The following DST variants were observed in gnomAD, a reference collection of about 807,000 sequenced individuals.
The protein encoded by DST is bullous pemphigoid antigen.
In DST, 253 loss-of-function variants were observed where a neutral mutation model predicts 875.2. The observed-to-expected ratio is 0.29, with a 90% CI of 0.26 to 0.32. DST has a LOEUF of 0.32. Among genes scored for constraint, DST ranks in the 10% least tolerant of loss-of-function variants. The pLI is 1.00. For missense variants in DST, 8,287 were observed against 9,111.6 expected (o/e 0.91, Z 3.68); for synonymous variants, 3,124 against 3,197.1 (o/e 0.98, Z 0.77).
Position 56,679,896 on chromosome 6 carries a change from C to A in DST, c.1048-9089G>T, listed in dbSNP as rs570835842. ...GAGAAAATAGCTACATAAGTAAGAA[C>A]CCCCTTCTGTCCTGCTACCCACAAA... On this transcript the variant is annotated intron_variant, in intron 9 of 103. Coordinates refer to ENST00000680361, the MANE Select transcript of DST (RefSeq NM_001374736.1). Among the ~76,000 whole-genome samples the A allele has an allele frequency of 4.6e-5, 7 of 152,222 alleles. No individual in the cohort carries two copies. In the East Asian group the frequency reaches 1.2e-3, roughly 25 times the overall value.
chr6:56,880,837 CTTTTTTTTTTTTT>C (rs765843469), intron 3 of DST, among the ~76,000 whole-genome samples: 4 of 58,062 alleles, frequency 6.9e-5, no homozygotes, highest in Non-Finnish European at 8.5e-5. Context: ...TACTGTCTTT[CTTTTTTTTTTTTT>C]TTTTTTTTTT....
intron 2 of DST, among the ~76,000 whole-genome samples, chr6:56,914,370 A>G (rs1382319398): frequency 6.6e-6 from 1 of 152,194 alleles, no homozygotes; most frequent in Non-Finnish European, 1.5e-5. Flanking sequence ...AGTTGCTGAG[A>G]GGGTGGCAGC....
intron 4 of DST, among the ~76,000 whole-genome samples, chr6:56,784,095 C>T (rs991113213): frequency 1.1e-4 from 17 of 152,094 alleles, no homozygotes; most frequent in African/African-American, 3.9e-4. Context: ...GAGAGATCTG[C>T]TGTTAGTCTG....
At chr6:56,470,053 G>A in intron 96 of DST, 75 bp downstream of exon 96, 1 of 1,597,722 alleles carries the variant, frequency 6.3e-7, no homozygotes, top group East Asian at 2.2e-5. Flanking sequence ...AAAATAAAAT[G>A]GTTGTATGAA....
intron 90 of DST, among the ~76,000 whole-genome samples, chr6:56,480,035 T>C (rs2095348136): frequency 6.6e-6 from 1 of 152,216 alleles, no homozygotes; most frequent in African/African-American, 2.4e-5. Flanking sequence ...TTTGCTATGT[T>C]AGACTGTTCG....
intron 4 of DST, among the ~76,000 whole-genome samples, chr6:56,758,748 C>T (rs1396164615): frequency 6.6e-6 from 1 of 151,776 alleles, no homozygotes; most frequent in African/African-American, 2.4e-5. Context: ...GACTTTCTCA[C>T]TGAATGGCAG....
chr6:56,634,928 T>C lies in DST; in HGVS notation c.3212A>G (p.Tyr1071Cys). ...SMEEKEELLQ[Y>C]KSTIANLMGK... ...CATTAGGTTTGCTATAGTGCTTTTG[T>C]ACTGCAGAAGTTCTTCTTTCTCTTC... Residue 1071 changes from tyrosine to cysteine, a missense_variant, in exon 25 of 104, where the codon TAC becomes TGC. Physicochemically the swap from Tyr to Cys is radical, Grantham distance 194. Around this residue, in one of 10 missense-constraint regions of DST, gnomAD observed 1,160 missense variants for 1,424.3 expected, o/e 0.81. Transcript: ENST00000680361. The C allele has an allele frequency of 6.2e-7, 1 of 1,613,186 alleles. No homozygotes were observed. The highest frequency in any genetic ancestry group is 8.5e-7 in the Non-Finnish European group (1 of 1,179,514).
chr6:56,492,562 G>A, intron 84 of DST, 129 bp from the exon 85 acceptor site: 2 of 974,472 alleles, frequency 2.1e-6, no homozygotes, highest in Non-Finnish European at 3.0e-6. Context: ...CCAAATGCAT[G>A]CTTTTGACTT....
At chr6:56,492,870 C>CAAAAA in intron 84 of DST, 64 bp downstream of exon 84, 6 of 967,118 alleles carry the variant, frequency 6.2e-6, no homozygotes, top group Non-Finnish European at 8.0e-6. Flanking sequence ...GACTCAGTCT[C>CAAAAA]AAAAAAAAAA....
chr6:56,809,776 A>G (rs2099757642), intron 4 of DST, among the ~76,000 whole-genome samples: 3 of 152,206 alleles, frequency 2.0e-5, no homozygotes, highest in Admixed American at 2.0e-4. Context: ...AAACTGATAT[A>G]TTTTAGACAG....
chr6:56,762,911 C>T (rs1210428373), intron 4 of DST, among the ~76,000 whole-genome samples: 4 of 140,838 alleles, frequency 2.8e-5, no homozygotes, highest in East Asian at 4.2e-4. Flanking sequence ...AGTGCAACGG[C>T]GTGATCTCAG....
intron 50 of DST, among the ~76,000 whole-genome samples, chr6:56,575,446 C>T (rs902201260): frequency 3.3e-5 from 5 of 152,078 alleles, no homozygotes; most frequent in Admixed American, 6.6e-5. Flanking sequence ...GGCAGGTTAG[C>T]GACTTCTTAA....
intron 34 of DST, among the ~76,000 whole-genome samples, chr6:56,626,007 G>C (rs980649587): frequency 2.1e-5 from 3 of 143,280 alleles, no homozygotes; most frequent in Non-Finnish European, 3.1e-5. Flanking sequence ...ATTAAAAATA[G>C]AAAAAAGCTT....
chr6:56,521,852 T>A (rs2096714114), intron 69 of DST, among the ~76,000 whole-genome samples: 1 of 152,078 alleles, frequency 6.6e-6, no homozygotes, highest in African/African-American at 2.4e-5. Context: ...CATGGCTCAC[T>A]TTATATGTAA....
At chr6:56,588,815 C>T (rs1260615875) in intron 49 of DST, among the ~76,000 whole-genome samples, 3 of 152,154 alleles carry the variant, frequency 2.0e-5, no homozygotes, top group Non-Finnish European at 4.4e-5. Flanking sequence ...CACCAAACCA[C>T]GACCAACATA....
chr6:56,803,502 C>A (rs906901738), intron 4 of DST, among the ~76,000 whole-genome samples: 5 of 152,130 alleles, frequency 3.3e-5, no homozygotes, highest in Non-Finnish European at 7.4e-5. Flanking sequence ...TTCCATTTAA[C>A]CTAACTACCA....
At chr6:56,488,728 G>C (rs1323143975) in intron 86 of DST, among the ~76,000 whole-genome samples, 1 of 151,754 alleles carries the variant, frequency 6.6e-6, no homozygotes, top group Admixed American at 6.6e-5. Flanking sequence ...GCCTAAAATT[G>C]TAAAACCCTT....
chr6:56,847,386 T>C (rs775385552), intron 4 of DST, among the ~76,000 whole-genome samples: 1 of 152,230 alleles, frequency 6.6e-6, no homozygotes, highest in Non-Finnish European at 1.5e-5. Context: ...CCTTCACTAA[T>C]ATGACTTTCC....
rs768066559 is a variant in DST at position 56,954,595 on chromosome 6, G to A, written c.-8C>T. On this transcript the variant is annotated 5_prime_UTR_variant, in exon 1 of 104. Coordinates refer to ENST00000680361, the MANE Select transcript of DST (RefSeq NM_001374736.1). Reference sequence around the variant, plus strand: ...GAAAGCCGCGGCGATCATGGTGCGGGCGAGGCGAGGGCGACTCGACGGCGG... The same window carrying A: ...GAAAGCCGCGGCGATCATGGTGCGGACGAGGCGAGGGCGACTCGACGGCGG... 10 of 1,348,652 alleles carry A rather than the reference G, an allele frequency of 7.4e-6. No individual in the cohort carries two copies. Among genetic ancestry groups the A allele is most frequent in the Admixed American group, 2.0e-5 (1 of 50,662 alleles). 83.5% of individuals were successfully genotyped at this position (1,348,652 alleles called of 1,614,324 possible).
Sources: allele counts gnomAD v4.1 joint callset (sites outside exome capture counted in the v4.1 genomes callset), GRCh38; gene constraint gnomAD v4.1.1; regional missense constraint gnomAD v4.1.1; transcripts MANE v1.5; gene names NCBI Gene and HGNC (gene_info 2026-07-23, HGNC 2026-07-21).